Variants in UFL1 observed in about 807,000 individuals in gnomAD.
The protein encoded by UFL1 is E3 UFM1-protein ligase 1.
In UFL1, 78 loss-of-function variants were observed where a neutral mutation model predicts 99.3. The ratio of observed to expected loss-of-function variants is 0.79; its 90% CI spans 0.65 to 0.95. UFL1 has a LOEUF of 0.95. UFL1 is among the 40% of genes least tolerant of loss of function. The probability of loss-of-function intolerance (pLI) is 0.00; values close to 1 mark genes in which losing one functional copy is unlikely to be tolerated. For missense variants in UFL1, 936 were observed against 937.0 expected, an observed-to-expected ratio of 1.00 and a Z score of 0.01; for synonymous variants, 335 against 322.2, an observed-to-expected ratio of 1.04 and a Z score of -0.42.
At chr6:96,524,340 C>T (rs775121196) in intron 2 of UFL1, 42 bp from the exon 3 acceptor site, 6 of 1,563,470 alleles carry the variant, frequency 3.8e-6, no homozygotes, top group South Asian at 2.4e-5. Flanking sequence ...TTGGTATGTA[C>T]GCATAGATCA....
At chr6:96,533,091 T>G (rs1182733158) in intron 6 of UFL1, among the ~76,000 whole-genome samples, 1 of 152,060 alleles carries the variant, frequency 6.6e-6, no homozygotes, top group Non-Finnish European at 1.5e-5. Context: ...TTTTGTTATA[T>G]GCATTAAAAA....
chr6:96,543,594 T>C (rs938376801), intron 12 of UFL1, among the ~76,000 whole-genome samples: 2 of 151,158 alleles, frequency 1.3e-5, no homozygotes, highest in Non-Finnish European at 3.0e-5. Context: ...ACACTGCCAT[T>C]GCTCAAGAAA....
At chr6:96,522,002 C>T (rs530579178) in intron 1 of UFL1, 52 bp downstream of exon 1, 3 of 1,570,730 alleles carry the variant, frequency 1.9e-6, no homozygotes, top group Non-Finnish European at 8.7e-7. Flanking sequence ...CGTGGGCGGA[C>T]ACGCCTGTAT....
rs73757900 is a variant in UFL1 at position 96,548,258 on chromosome 6, G to A, written c.1497G>A (p.Ser499=). ...HIQDAPEEFI[S]ELAEYLIKPL... ...AAGATGCCCCTGAGGAGTTTATTTCGGAACTTGCTGAGTACTTAATAAAGC... is the reference window on the plus strand; with the variant it reads ...AAGATGCCCCTGAGGAGTTTATTTCAGAACTTGCTGAGTACTTAATAAAGC... The change falls in exon 13 of 19, where the codon TCG becomes TCA. Residue 499 remains serine (S), a synonymous_variant. Coordinates refer to ENST00000369278, the MANE Select transcript of UFL1 (RefSeq NM_015323.5). 3.7e-4 allele frequency: 592 copies of A among 1,598,216 alleles called. 1 individual carries two copies. The African/African-American group carries it at 6.2e-3, about 17-fold the overall frequency.
intron 6 of UFL1, among the ~76,000 whole-genome samples, chr6:96,531,230 C>T (rs1326060892): frequency 6.7e-6 from 1 of 149,570 alleles, no homozygotes; most frequent in African/African-American, 2.5e-5. Flanking sequence ...GACCGTTGAA[C>T]TAGGAGATAC....
At position 96,528,608 on chromosome 6, in the gene UFL1, G is replaced by A. The variant is rs919674636; in HGVS notation, c.572G>A (p.Arg191His). 16 of 1,613,488 alleles carry A rather than the reference G, an allele frequency of 9.9e-6. No homozygotes were observed. Among genetic ancestry groups the A allele is most frequent in the Non-Finnish European group, 5.1e-6 (6 of 1,179,710 alleles). Residue 191 changes from arginine to histidine, a missense_variant, in exon 6 of 19, where the codon CGT becomes CAT. Arg to His is a conservative substitution (Grantham distance 29). Coordinates refer to ENST00000369278, the MANE Select transcript of UFL1 (RefSeq NM_015323.5). ...AFVARHKARI[R>H]GLFSAITRPT... ...GTAGCTCGACATAAAGCACGTATCC[G>A]TGGACTATTCAGTGCTATTACCCGG...
intron 13 of UFL1, among the ~76,000 whole-genome samples, chr6:96,548,553 T>G (rs1165098234): frequency 1.3e-5 from 2 of 151,530 alleles, no homozygotes; most frequent in Non-Finnish European, 3.0e-5. Context: ...TCATAGGTCT[T>G]GGTTGGGGAG....
intron 5 of UFL1, 43 bp downstream of exon 5, chr6:96,526,478 G>A: frequency 2.0e-6 from 3 of 1,499,974 alleles, no homozygotes; most frequent in Non-Finnish European, 2.7e-6. Flanking sequence ...TTTACCAAAG[G>A]ATTTTAAACG....
chr6:96,526,507 G>A, intron 5 of UFL1, 72 bp downstream of exon 5: 1 of 1,208,940 alleles, frequency 8.3e-7, no homozygotes, highest in Admixed American at 2.0e-5. Context: ...GAATGGAAGG[G>A]GGAAAAAAAA....
At chr6:96,525,764 C>T (rs891711605) in intron 4 of UFL1, among the ~76,000 whole-genome samples, 11 of 149,956 alleles carry the variant, frequency 7.3e-5, no homozygotes, top group South Asian at 6.3e-4. Flanking sequence ...AATAAGAAAA[C>T]GTAAAACGTA....
At chr6:96,522,533 A>T (rs1769632386) in intron 1 of UFL1, among the ~76,000 whole-genome samples, 1 of 152,166 alleles carries the variant, frequency 6.6e-6, no homozygotes, top group Non-Finnish European at 1.5e-5. Context: ...TTTAAAAATA[A>T]CGCTAATAGA....
intron 5 of UFL1, among the ~76,000 whole-genome samples, chr6:96,527,362 A>G (rs1022606778): frequency 2.6e-5 from 4 of 152,108 alleles, no homozygotes; most frequent in Non-Finnish European, 5.9e-5. Context: ...TCTTAACACA[A>G]TGGAGAAACT....
chr6:96,551,730 T>C, intron 16 of UFL1, 108 bp from the exon 17 acceptor site: 1 of 836,010 alleles, frequency 1.2e-6, no homozygotes, highest in Non-Finnish European at 1.9e-6. Flanking sequence ...AAGTGACCCT[T>C]TTAAAAATTG....
intron 5 of UFL1, among the ~76,000 whole-genome samples, chr6:96,527,851 T>C (rs894120063): frequency 2.0e-5 from 3 of 152,196 alleles, no homozygotes; most frequent in African/African-American, 7.2e-5. Flanking sequence ...CTGAGCTGAC[T>C]TGAGTAGATT....
intron 6 of UFL1, 29 bp downstream of exon 6, chr6:96,528,661 G>T: frequency 1.3e-6 from 2 of 1,554,804 alleles, no homozygotes; most frequent in Non-Finnish European, 1.7e-6. Context: ...ATATATATTT[G>T]CACATTTCTT....
Position 96,543,005 on chromosome 6 carries a change from C to A in UFL1, c.1391C>A (p.Ser464Ter). ...GATGATAGTGATGATGAATCTCAAT[C>A]ATCCCACACTGGTAGGTAGCTTTTC... ...KDDDSDDESQ[S>*]SHTGKKKPEI... The change falls in exon 12 of 19, where the codon TCA becomes TAA. Residue 464 changes from serine (S) to a stop codon, truncating the protein, a stop_gained. Transcript: ENST00000369278. LOFTEE classifies it high-confidence loss of function. The A allele has an allele frequency of 6.3e-7, 1 of 1,593,672 alleles. No homozygotes were observed. Among genetic ancestry groups the A allele is most frequent in the South Asian group, 1.1e-5 (1 of 87,846 alleles).
rs2127953333 is a variant in UFL1 at position 96,549,463 on chromosome 6, A to G, written c.1572A>G (p.Ser524=). ...TGGTACGTTCAGTATTCATGTCTTC[A>G]ACAACTTCTGCTTCTGGGACGGGCA... The part of the protein sequence containing the change: ...LEVVRSVFMS[S]TTSASGTGRK... Residue 524 remains serine, a synonymous_variant, in exon 14 of 19, where the codon TCA becomes TCG. Transcript: ENST00000369278. 2 of 1,598,024 alleles carry G rather than the reference A, an allele frequency of 1.3e-6. No homozygotes were observed. Among genetic ancestry groups the G allele is most frequent in the East Asian group, 4.5e-5 (2 of 44,780 alleles).
In UFL1 at chr6:96,551,861, T is replaced by A; in HGVS notation, c.1923T>A (p.Cys641Ter). 2 of 1,607,952 alleles carry A rather than the reference T, an allele frequency of 1.2e-6. No homozygotes were observed. Among genetic ancestry groups the A allele is most frequent in the Non-Finnish European group, 1.7e-6 (2 of 1,176,692 alleles). The change falls in exon 17 of 19, where the codon TGT becomes TGA. Residue 641 changes from cysteine (C) to a stop codon, truncating the protein, a stop_gained. Coordinates refer to ENST00000369278, the MANE Select transcript of UFL1 (RefSeq NM_015323.5). LOFTEE classifies it high-confidence loss of function. ...AGAGCATAGAAGACTTTATTTCTTG[T>A]CTGGATTCTGCAGCAGAAGCTTGTG... is the stretch of plus-strand genomic sequence containing the variant. ...NEKSIEDFIS[C>*]LDSAAEACDI...
chr6:96,525,505 C>T, intron 4 of UFL1, 111 bp downstream of exon 4: 1 of 791,402 alleles, frequency 1.3e-6, no homozygotes, highest in Non-Finnish European at 2.1e-6. Flanking sequence ...ATTTATAACT[C>T]TTACAGTGTT....
Sources: gnomAD v4.1 joint callset for allele counts (sites outside exome capture counted in the v4.1 genomes callset) on GRCh38, gnomAD v4.1.1 for gene constraint, MANE v1.5 for transcripts, NCBI Gene and HGNC (gene_info 2026-07-23, HGNC 2026-07-21) for gene names.